Variants in DNAH12 observed in about 807,000 individuals in gnomAD.
DNAH12 encodes the protein dynein axonemal heavy chain 12.
In DNAH12, 285 loss-of-function variants were observed where a neutral mutation model predicts 371.5. The observed-to-expected ratio is 0.77, with a 90% CI of 0.70 to 0.85. The LOEUF (loss-of-function observed/expected upper bound fraction) is 0.85. Ranked by LOEUF, DNAH12 falls within the 40% of genes least tolerant of loss-of-function variation. The pLI, the probability that DNAH12 is intolerant of heterozygous loss-of-function variation, is 0.00. For missense variants in DNAH12, 3,611 were observed against 3,689.4 expected, an observed-to-expected ratio of 0.98 and a Z score of 0.55; for synonymous variants, 1,200 against 1,213.0, an observed-to-expected ratio of 0.99 and a Z score of 0.22.
intron 44 of DNAH12, among the ~76,000 whole-genome samples, chr3:57,393,900 CCAAT>C (rs1285519864): frequency 9.2e-4 from 140 of 152,102 alleles, no homozygotes; most frequent in Non-Finnish European, 1.6e-3. Flanking sequence ...TTAAAAATCT[CCAAT>C]CACTCATAAA....
In DNAH12 at chr3:57,362,885, T is replaced by A. The variant is rs2062968234; in HGVS notation, c.9360+709A>T. ...CTCTTTAGTTTAATTAGATCCCATT[T>A]GTCTATTTTGGCTTTTGTTGCCGTT... On this transcript the variant is annotated intron_variant, in intron 58 of 73. Transcript: ENST00000495027. Among the ~76,000 whole-genome samples the A allele has an allele frequency of 3.9e-5, 6 of 152,230 alleles. No individual in the cohort carries two copies. In the South Asian group the frequency reaches 1.2e-3, roughly 31 times the overall value.
At chr3:57,521,020 C>T (rs1454792090) in intron 4 of DNAH12, among the ~76,000 whole-genome samples, 23 of 127,116 alleles carry the variant, frequency 1.8e-4, no homozygotes, top group Admixed American at 9.9e-5. Context: ...GCCGAGATCG[C>T]GCCATTGCAC....
chr3:57,361,380 CTT>C (rs1491425503), intron 58 of DNAH12, among the ~76,000 whole-genome samples: 26 of 145,034 alleles, frequency 1.8e-4, no homozygotes, highest in South Asian at 2.1e-4. Context: ...TATACACACA[CTT>C]ATATATATAC....
intron 2 of DNAH12, among the ~76,000 whole-genome samples, chr3:57,525,154 C>CAAAAAAAAAAAAAAAAA (rs5849213): frequency 9.1e-6 from 1 of 109,500 alleles, no homozygotes; most frequent in Admixed American, 1.0e-4. Flanking sequence ...AGAGGAGAAA[C>CAAAAAAAAAAAAAAAAA]AAAAAAAAAA....
chr3:57,320,533 G>C (rs921758007), intron 65 of DNAH12, among the ~76,000 whole-genome samples: 3 of 152,072 alleles, frequency 2.0e-5, no homozygotes, highest in African/African-American at 7.2e-5. Flanking sequence ...ATTATTGCTG[G>C]CCTAATTGTC....
At chr3:57,529,972 T>G (rs1432027400) in intron 2 of DNAH12, among the ~76,000 whole-genome samples, 2 of 152,144 alleles carry the variant, frequency 1.3e-5, no homozygotes, top group African/African-American at 2.4e-5. Context: ...TCAATTTCCT[T>G]CTTAATTTCT....
At chr3:57,298,859 C>G (rs951903443) in intron 70 of DNAH12, among the ~76,000 whole-genome samples, 9 of 152,168 alleles carry the variant, frequency 5.9e-5, no homozygotes, top group African/African-American at 2.2e-4. Context: ...AAGCTCTTGG[C>G]AGCTTCAGGG....
At position 57,431,944 on chromosome 3, in the gene DNAH12, A is replaced by C. The variant is rs79909349; in HGVS notation, c.4980+1423T>G. On this transcript the variant is annotated intron_variant, in intron 32 of 73. Coordinates refer to ENST00000495027, the MANE Select transcript of DNAH12 (RefSeq NM_001366028.2). ...GATTTGCCTTCAAATTTCCACAGTC[A>C]AATCCATACACTCACCTATAGCTGT... Among the ~76,000 whole-genome samples the C allele has an allele frequency of 5.9e-3, 893 of 152,256 alleles. 11 individuals are homozygous for C. Among genetic ancestry groups the C allele is most frequent in the African/African-American group, 0.021 (868 of 41,554 alleles).
intron 11 of DNAH12, among the ~76,000 whole-genome samples, chr3:57,499,346 G>T (rs1035396319): frequency 3.3e-5 from 5 of 151,356 alleles, no homozygotes; most frequent in African/African-American, 1.2e-4. Context: ...AATTAAAATG[G>T]GTACAGTTTA....
At chr3:57,541,490 C>A (rs533072152) in intron 2 of DNAH12, among the ~76,000 whole-genome samples, 4 of 151,810 alleles carry the variant, frequency 2.6e-5, no homozygotes, top group African/African-American at 4.8e-5. Flanking sequence ...CTCTGCCTCC[C>A]AAGTAGTTAG....
rs1366193995 is a variant in DNAH12 at position 57,421,546 on chromosome 3, T to TA, written c.5533_5534insT (p.Lys1845IlefsTer6). ...ATACATGTAGTCATAGACCAGGCCTTTTTCATCAAATGGGCATTCCCATTT... is the reference window on the plus strand; with the variant it reads ...ATACATGTAGTCATAGACCAGGCCTTATTTCATCAAATGGGCATTCCCATTT... On this transcript the variant is annotated frameshift_variant, in exon 36 of 74. Coordinates refer to ENST00000495027, the MANE Select transcript of DNAH12 (RefSeq NM_001366028.2). LOFTEE classifies it high-confidence loss of function. 7.7e-6 allele frequency: 12 copies of TA among 1,551,446 alleles called. No individual in the cohort carries two copies. The highest frequency in any genetic ancestry group is 8.7e-7 in the Non-Finnish European group (1 of 1,146,974).
intron 60 of DNAH12, among the ~76,000 whole-genome samples, chr3:57,343,298 T>C (rs957330684): frequency 6.6e-6 from 1 of 152,304 alleles, no homozygotes; most frequent in South Asian, 2.1e-4. Context: ...TGCTGAGATG[T>C]TGTTAATTTG....
chr3:57,410,508 T>G (rs2064167355), intron 39 of DNAH12, among the ~76,000 whole-genome samples: 1 of 152,096 alleles, frequency 6.6e-6, no homozygotes, highest in African/African-American at 2.4e-5. Context: ...ATAAACAGTA[T>G]GGAAGTTAGG....
chr3:57,523,822 G>T lies in DNAH12; in HGVS notation c.233C>A (p.Pro78Gln), dbSNP rs768650893. The part of the protein sequence containing the change: ...TLGKRTPLLP[P>Q]PDYPQTMTSE... The stretch of plus-strand genomic sequence containing the variant: ...ACTTACAGTTTGAGGATAATCAGGT[G>T]GTGGTAATAGAGGTGTTCTTTTACC... The change falls in exon 3 of 74, where the codon CCA (proline) becomes CAA (glutamine). Residue 78 changes from proline to glutamine, a missense_variant. Physicochemically the swap from Pro to Gln is moderately conservative, Grantham distance 76 (BLOSUM62 -1). Around this residue, in one of 3 missense-constraint regions of DNAH12, gnomAD observed 1,314 missense variants for 1,398.7 expected, o/e 0.94. Transcript: ENST00000495027. The T allele has an allele frequency of 6.2e-7, 1 of 1,603,352 alleles. No homozygotes were observed. Among genetic ancestry groups the T allele is most frequent in the South Asian group, 1.1e-5 (1 of 88,176 alleles).
chr3:57,394,616 A>G (rs1318681735), intron 43 of DNAH12, among the ~76,000 whole-genome samples: 3 of 152,174 alleles, frequency 2.0e-5, no homozygotes, highest in Non-Finnish European at 2.9e-5. Context: ...GGACTGAGAT[A>G]GACTTGAAAC....
At chr3:57,502,781 G>A (rs958168545) in intron 9 of DNAH12, among the ~76,000 whole-genome samples, 10 of 152,022 alleles carry the variant, frequency 6.6e-5, no homozygotes, top group African/African-American at 1.2e-4. Context: ...TCCTGACCTC[G>A]TGATCCGCCC....
intron 2 of DNAH12, among the ~76,000 whole-genome samples, chr3:57,536,851 A>G (rs1358161728): frequency 6.6e-6 from 1 of 152,232 alleles, no homozygotes; most frequent in Non-Finnish European, 1.5e-5. Flanking sequence ...GGCTATAAAT[A>G]AAAAGAGCTG....
Position 57,489,672 on chromosome 3 carries a change from G to T in DNAH12, c.1351C>A (p.Leu451Ile). The T allele has an allele frequency of 6.7e-7, 1 of 1,495,048 alleles. No homozygotes were observed. The highest frequency in any genetic ancestry group is 2.6e-5 in the East Asian group (1 of 38,022). The allele number at this position is 1,495,048 out of a possible 1,614,324, so 92.6% of individuals were successfully genotyped here. A position where few individuals can be genotyped will look rare whatever the true frequency, so the allele number is the denominator to read the frequency against. The part of the protein sequence containing the change: ...DEYTEFIEKF[L>I]SLASEIMLLP... Reference sequence around the variant, plus strand: ...AGCATTATTTCTGAGGCAAGACTGAGAAATTTTTCTATAAACTTGAAAAAA... The same window carrying T: ...AGCATTATTTCTGAGGCAAGACTGATAAATTTTTCTATAAACTTGAAAAAA... The change falls in exon 12 of 74, where the codon CTC becomes ATC. Residue 451 changes from leucine (L) to isoleucine (I), a missense_variant. Leu to Ile is a conservative substitution (Grantham distance 5). Transcript: ENST00000495027.
intron 43 of DNAH12, among the ~76,000 whole-genome samples, chr3:57,400,542 C>A (rs1218712163): frequency 1.3e-5 from 2 of 152,140 alleles, no homozygotes; most frequent in Non-Finnish European, 2.9e-5. Context: ...TTTTTCCATA[C>A]ATAACTATGA....
Sources: gnomAD v4.1 joint callset for allele counts (sites outside exome capture counted in the v4.1 genomes callset) on GRCh38, gnomAD v4.1.1 for gene constraint, gnomAD v4.1.1 regional missense constraint, MANE v1.5 for transcripts, NCBI Gene and HGNC (gene_info 2026-07-23, HGNC 2026-07-21) for gene names.